The following MICU1 variants were observed in gnomAD, a reference collection of about 807,000 sequenced individuals.
MICU1 encodes the protein calcium uptake protein 1, mitochondrial.
In MICU1, 45 loss-of-function variants were observed where a neutral mutation model predicts 56.8. That is an observed-to-expected ratio of 0.79 (90% confidence interval 0.62 to 1.02). The LOEUF (loss-of-function observed/expected upper bound fraction) is 1.02, where lower values mean the gene tolerates loss of function less well. MICU1 is among the 50% of genes least tolerant of loss of function. The pLI is 0.00. For missense variants in MICU1, 504 were observed against 587.1 expected, an observed-to-expected ratio of 0.86 and a Z score of 1.46; for synonymous variants, 186 against 195.1, an observed-to-expected ratio of 0.95 and a Z score of 0.39.
intron 1 of MICU1, among the ~76,000 whole-genome samples, chr10:72,578,433 T>G (rs986392923): frequency 6.6e-6 from 1 of 150,910 alleles, no homozygotes; most frequent in African/African-American, 2.4e-5. Flanking sequence ...TTTTTTTTTT[T>G]TTTGTATTTT....
intron 4 of MICU1, among the ~76,000 whole-genome samples, chr10:72,546,378 A>G (rs1839894026): frequency 6.6e-6 from 1 of 152,202 alleles, no homozygotes; most frequent in Non-Finnish European, 1.5e-5. Flanking sequence ...TCTTGTGCCA[A>G]TCATCAAGTT....
intron 9 of MICU1, among the ~76,000 whole-genome samples, chr10:72,420,026 GCT>G (rs561640864): frequency 7.8e-4 from 118 of 152,226 alleles, no homozygotes; most frequent in African/African-American, 2.8e-3. Flanking sequence ...CCCTGCACAT[GCT>G]CTCTTTCTTG....
chr10:72,546,678 A>G (rs182852442), intron 4 of MICU1, among the ~76,000 whole-genome samples: 2 of 152,304 alleles, frequency 1.3e-5, no homozygotes, highest in East Asian at 1.9e-4. Context: ...TTCTTCCTTC[A>G]ATATCACAAA....
At chr10:72,568,257 C>T (rs949137873) in intron 1 of MICU1, among the ~76,000 whole-genome samples, 1 of 152,168 alleles carries the variant, frequency 6.6e-6, no homozygotes, top group African/African-American at 2.4e-5. Flanking sequence ...TCTGAAACAT[C>T]TGTATTAGTG....
chr10:72,386,193 T>C (rs1444147723), intron 10 of MICU1, among the ~76,000 whole-genome samples: 2 of 152,104 alleles, frequency 1.3e-5, no homozygotes. Flanking sequence ...TCTTTTTTTT[T>C]TGGAGGGGGA....
intron 5 of MICU1, chr10:72,533,224 T>C (rs1839539448): frequency 1.1e-6 from 1 of 917,304 alleles, no homozygotes; most frequent in Admixed American, 2.9e-5. Context: ...TCTCATTTTC[T>C]ATACCTAAGA....
At chr10:72,510,787 C>T (rs1867420275) in intron 5 of MICU1, among the ~76,000 whole-genome samples, 2 of 152,204 alleles carry the variant, frequency 1.3e-5, no homozygotes, top group South Asian at 4.1e-4. Context: ...TGCACACCAC[C>T]ACGCCCATCT....
chr10:72,584,801 C>CA (rs1841001042), intron 1 of MICU1, among the ~76,000 whole-genome samples: 2 of 152,158 alleles, frequency 1.3e-5, no homozygotes, highest in Admixed American at 6.5e-5. Flanking sequence ...CTCAGCCTCC[C>CA]AAAGTGCTGG....
chr10:72,505,400 T>G (rs1867211702), intron 6 of MICU1, among the ~76,000 whole-genome samples: 1 of 152,184 alleles, frequency 6.6e-6, no homozygotes, highest in Non-Finnish European at 1.5e-5. Flanking sequence ...GAAACCAGTT[T>G]GACGATTTCT....
At chr10:72,566,888 T>C (rs1840454826) in intron 1 of MICU1, 94 bp from the exon 2 acceptor site, 2 of 1,083,462 alleles carry the variant, frequency 1.8e-6, no homozygotes, top group South Asian at 3.3e-5. Context: ...AACACTAAAG[T>C]AATTGCTCTA....
intron 8 of MICU1, among the ~76,000 whole-genome samples, chr10:72,471,029 A>G (rs1865934569): frequency 6.6e-6 from 1 of 152,202 alleles, no homozygotes; most frequent in African/African-American, 2.4e-5. Flanking sequence ...TATGTGTAGG[A>G]ACACATGCAT....
chr10:72,594,488 A>G (rs1841316971), intron 1 of MICU1, among the ~76,000 whole-genome samples: 1 of 152,194 alleles, frequency 6.6e-6, no homozygotes, highest in Non-Finnish European at 1.5e-5. Context: ...ATGACACTAG[A>G]TTTGGCAATG....
chr10:72,599,607 T>G (rs181958069), intron 1 of MICU1, among the ~76,000 whole-genome samples: 3 of 152,302 alleles, frequency 2.0e-5, no homozygotes, highest in African/African-American at 7.2e-5. Flanking sequence ...AGAGTAGTGA[T>G]GCTAGCAATT....
intron 10 of MICU1, among the ~76,000 whole-genome samples, chr10:72,395,583 T>C (rs984603563): frequency 4.6e-5 from 7 of 152,298 alleles, no homozygotes; most frequent in Middle Eastern, 3.4e-3. Flanking sequence ...ACCCAAATAC[T>C]GTGTTGTTCC....
intron 10 of MICU1, among the ~76,000 whole-genome samples, chr10:72,385,738 C>T (rs1423323867): frequency 1.3e-5 from 2 of 152,166 alleles, no homozygotes; most frequent in Non-Finnish European, 2.9e-5. Context: ...CTCAGGTGGG[C>T]AGAACCTGTG....
intron 1 of MICU1, among the ~76,000 whole-genome samples, chr10:72,610,550 G>A (rs1841816612): frequency 6.6e-6 from 1 of 152,168 alleles, no homozygotes; most frequent in South Asian, 2.1e-4. Flanking sequence ...GCCTTAGTGG[G>A]CCAGGGAAGG....
chr10:72,615,576 C>T (rs2132578563), intron 1 of MICU1, among the ~76,000 whole-genome samples: 1 of 152,102 alleles, frequency 6.6e-6, no homozygotes, highest in South Asian at 2.1e-4. Flanking sequence ...AGGCTTTTTT[C>T]TCTGATGTCT....
At chr10:72,573,513 C>T (rs1216757555) in intron 1 of MICU1, among the ~76,000 whole-genome samples, 1 of 151,916 alleles carries the variant, frequency 6.6e-6, no homozygotes, top group Non-Finnish European at 1.5e-5. Context: ...TATGCTATTT[C>T]ATTTGAAACA....
At chr10:72,614,805 C>A (rs1161736446) in intron 1 of MICU1, among the ~76,000 whole-genome samples, 1 of 152,106 alleles carries the variant, frequency 6.6e-6, no homozygotes, top group Admixed American at 6.5e-5. Flanking sequence ...TATGGGGTTT[C>A]AGTTTGGGAA....
Sources: allele counts gnomAD v4.1 joint callset (sites outside exome capture counted in the v4.1 genomes callset), GRCh38; gene constraint gnomAD v4.1.1; transcripts MANE v1.5; gene names NCBI Gene and HGNC (gene_info 2026-07-23, HGNC 2026-07-21).